Variants in KCNIP4 observed in about 807,000 individuals in gnomAD.
KCNIP4 encodes Kv channel-interacting protein 4.
KCNIP4 carries 12 observed loss-of-function variants against 34.0 expected under a neutral mutation model. The observed-to-expected ratio is 0.35, with a 90% CI of 0.23 to 0.57. The LOEUF is 0.57. Among genes scored for constraint, KCNIP4 ranks in the 20% least tolerant of loss-of-function variants. The pLI is 0.83. For missense variants in KCNIP4, 238 were observed against 311.7 expected (o/e 0.76, Z 1.78); for synonymous variants, 124 against 102.2 (o/e 1.21, Z -1.29).
At chr4:21,025,602 A>G (rs35129281) in intron 1 of KCNIP4, among the ~76,000 whole-genome samples, 32,786 of 123,524 alleles carry the variant, frequency 0.27, 4,589 homozygotes, top group East Asian at 0.49. Flanking sequence ...TGCCCAGGCT[A>G]GAGTGCAGTG....
intron 1 of KCNIP4, among the ~76,000 whole-genome samples, chr4:21,467,240 T>C (rs1370399802): frequency 1.3e-5 from 2 of 152,168 alleles, no homozygotes; most frequent in African/African-American, 4.8e-5. Context: ...TGGTACATGG[T>C]AGGCATTGAA....
chr4:21,528,015 C>T (rs1017693419), intron 1 of KCNIP4, among the ~76,000 whole-genome samples: 1 of 152,118 alleles, frequency 6.6e-6, no homozygotes, highest in Non-Finnish European at 1.5e-5. Context: ...GAAGGAACTG[C>T]CACGGGGTCG....
intron 1 of KCNIP4, among the ~76,000 whole-genome samples, chr4:21,520,830 T>A (rs1735457421): frequency 6.6e-6 from 1 of 152,210 alleles, no homozygotes; most frequent in Admixed American, 6.5e-5. Flanking sequence ...TATAGACTAC[T>A]TCAATTGGGG....
chr4:21,794,551 A>G (rs1720505802), intron 1 of KCNIP4, among the ~76,000 whole-genome samples: 1 of 152,132 alleles, frequency 6.6e-6, no homozygotes. Flanking sequence ...GCTTTCACCT[A>G]CAATTCTTGG....
chr4:20,906,491 C>T (rs75171704), intron 1 of KCNIP4, among the ~76,000 whole-genome samples: 2,159 of 152,292 alleles, frequency 0.014, 51 homozygotes, highest in Admixed American at 0.057. Context: ...CCATGTCTGC[C>T]TTGCCAGGAA....
intron 1 of KCNIP4, among the ~76,000 whole-genome samples, chr4:21,790,590 A>G (rs1416237547): frequency 6.8e-6 from 1 of 147,422 alleles, no homozygotes; most frequent in Non-Finnish European, 1.5e-5. Context: ...AATATGAAAT[A>G]GAAAACACAT....
At chr4:21,664,060 C>T (rs893988139) in intron 1 of KCNIP4, among the ~76,000 whole-genome samples, 1 of 152,150 alleles carries the variant, frequency 6.6e-6, no homozygotes, top group Non-Finnish European at 1.5e-5. Flanking sequence ...TTTCTCTTGC[C>T]TCAGCCTCCT....
intron 2 of KCNIP4, among the ~76,000 whole-genome samples, chr4:20,864,530 G>A (rs1321896646): frequency 6.6e-6 from 1 of 151,982 alleles, no homozygotes; most frequent in Non-Finnish European, 1.5e-5. Flanking sequence ...CCATAACAGA[G>A]TCAGGGAATG....
At chr4:20,856,053 C>A (rs1721538191) in intron 2 of KCNIP4, among the ~76,000 whole-genome samples, 1 of 152,128 alleles carries the variant, frequency 6.6e-6, no homozygotes, top group African/African-American at 2.4e-5. Flanking sequence ...TTTTCTCCTT[C>A]ATTCATTTGA....
At chr4:21,331,206 T>C (rs1316399967) in intron 1 of KCNIP4, among the ~76,000 whole-genome samples, 1 of 152,158 alleles carries the variant, frequency 6.6e-6, no homozygotes, top group Non-Finnish European at 1.5e-5. Context: ...CTGATCTCAA[T>C]AGTTCATAGT....
intron 1 of KCNIP4, among the ~76,000 whole-genome samples, chr4:21,592,982 T>A (rs2109099355): frequency 6.6e-6 from 1 of 152,258 alleles, no homozygotes; most frequent in Admixed American, 6.5e-5. Flanking sequence ...CTTATGAGTT[T>A]ATTGAAATTG....
chr4:21,808,075 A>G (rs1721409507), intron 1 of KCNIP4, among the ~76,000 whole-genome samples: 1 of 152,200 alleles, frequency 6.6e-6, no homozygotes, highest in Admixed American at 6.5e-5. Context: ...TTCACTCAGA[A>G]TGTATAGTTT....
At chr4:21,612,668 A>C (rs1744249311) in intron 1 of KCNIP4, among the ~76,000 whole-genome samples, 1 of 152,354 alleles carries the variant, frequency 6.6e-6, no homozygotes, top group Non-Finnish European at 1.5e-5. Flanking sequence ...TGACAGATCA[A>C]TTATTCATTA....
In KCNIP4 at chr4:21,686,133, T is replaced by C. The variant is rs186246609; in HGVS notation, c.61+262438A>G. Among the ~76,000 whole-genome samples the C allele has an allele frequency of 1.0e-3, 159 of 152,318 alleles. 1 individual carries two copies. The highest frequency in any genetic ancestry group is 6.8e-3 in the Middle Eastern group (2 of 294). ...ATCTTAACATGTTATAGAACAGGAA[T>C]GTGACTGATTTGGTAGGCATTAAGT... On this transcript the variant is annotated intron_variant, in intron 1 of 8. Transcript: ENST00000382152.
chr4:21,817,506 C>T (rs190093143), intron 1 of KCNIP4, among the ~76,000 whole-genome samples: 127 of 152,094 alleles, frequency 8.4e-4, no homozygotes, highest in Non-Finnish European at 1.4e-3. Flanking sequence ...TGACTGCCTG[C>T]GGGGTCGGGC....
chr4:21,177,878 A>ATATATATAT (rs397839047), intron 1 of KCNIP4, among the ~76,000 whole-genome samples: 4 of 145,500 alleles, frequency 2.7e-5, no homozygotes, highest in African/African-American at 1.1e-4. Flanking sequence ...ATATATATAT[A>ATATATATAT]AAATATAACA....
chr4:20,776,845 G>A (rs1204743805), intron 3 of KCNIP4, among the ~76,000 whole-genome samples: 3 of 152,106 alleles, frequency 2.0e-5, no homozygotes, highest in Non-Finnish European at 4.4e-5. Context: ...GTTATTACAT[G>A]TATAACTATT....
intron 1 of KCNIP4, among the ~76,000 whole-genome samples, chr4:21,373,124 T>G (rs1364824526): frequency 6.8e-6 from 1 of 146,850 alleles, no homozygotes; most frequent in Non-Finnish European, 1.5e-5. Flanking sequence ...AAGAATATCT[T>G]TAGCCTGAGC....
chr4:20,988,894 G>T (rs1459680571), intron 1 of KCNIP4, among the ~76,000 whole-genome samples: 1 of 152,224 alleles, frequency 6.6e-6, no homozygotes, highest in Non-Finnish European at 1.5e-5. Flanking sequence ...TGAGAAGGAT[G>T]AAACAACTAT....
Sources: allele counts gnomAD v4.1 joint callset (sites outside exome capture counted in the v4.1 genomes callset), GRCh38; gene constraint gnomAD v4.1.1; transcripts MANE v1.5; gene names NCBI Gene and HGNC (gene_info 2026-07-23, HGNC 2026-07-21).